Variants in TCF12 observed in about 807,000 individuals in gnomAD.
TCF12 encodes DNA-binding protein HTF4.
TCF12 carries 45 observed loss-of-function variants against 86.0 expected under a neutral mutation model. The observed-to-expected ratio is 0.52, with a 90% CI of 0.41 to 0.67. The LOEUF is 0.67. Among genes scored for constraint, TCF12 ranks in the 30% least tolerant of loss-of-function variants. The pLI, the probability that TCF12 is intolerant of heterozygous loss-of-function variation, is 0.00. For synonymous variants in TCF12, 330 were observed against 299.6 expected, an observed-to-expected ratio of 1.10 and a Z score of -1.05; for missense variants, 881 against 859.9, an observed-to-expected ratio of 1.02 and a Z score of -0.31.
intron 5 of TCF12, among the ~76,000 whole-genome samples, chr15:57,122,096 T>C (rs1246970047): frequency 8.4e-6 from 1 of 118,896 alleles, no homozygotes; most frequent in East Asian, 2.1e-4. Context: ...TGTTTCCTTG[T>C]ACAAAAAAAA....
chr15:57,255,641 G>C (rs189601667), intron 16 of TCF12, among the ~76,000 whole-genome samples: 1 of 151,944 alleles, frequency 6.6e-6, no homozygotes, highest in African/African-American at 2.4e-5. Flanking sequence ...CCGCCACCAC[G>C]TCCGGCTAAT....
rs142656227 is a variant in TCF12 at position 57,139,346 on chromosome 15, A to G, written c.326-27056A>G. ...CACTAAATTTTCAAAGCAAAGACCTAATGTTCTATTGTATAGATGTTTCAG... is the reference window on the plus strand; with the variant it reads ...CACTAAATTTTCAAAGCAAAGACCTGATGTTCTATTGTATAGATGTTTCAG... On this transcript the variant is annotated intron_variant, in intron 5 of 20. Coordinates refer to ENST00000333725, the MANE Select transcript of TCF12 (RefSeq NM_207037.2). Among the ~76,000 whole-genome samples the G allele has an allele frequency of 1.7e-3, 260 of 152,296 alleles. 1 individual carries two copies. The highest frequency in any genetic ancestry group is 6.0e-3 in the African/African-American group (251 of 41,564).
chr15:57,254,246 G>T (rs2060245046), intron 16 of TCF12, among the ~76,000 whole-genome samples: 1 of 152,120 alleles, frequency 6.6e-6, no homozygotes, highest in African/African-American at 2.4e-5. Context: ...TGTGATGAAG[G>T]CTAAAAACTT....
chr15:56,999,749 C>CT (rs772486315), intron 3 of TCF12, among the ~76,000 whole-genome samples: 33 of 152,110 alleles, frequency 2.2e-4, no homozygotes, highest in Non-Finnish European at 4.3e-4. Flanking sequence ...TGGTGCATGC[C>CT]TGTAGTCCCA....
In TCF12 at chr15:57,141,521, G is replaced by T. The variant is rs1177040868; in HGVS notation, c.326-24881G>T. ...TGCGCCACCACGCCCAACTAATTTT[G>T]TATTTTTAGTAGAGGTGGGATTTCT... On this transcript the variant is annotated intron_variant, in intron 5 of 20. Transcript: ENST00000333725. 5.9e-5 allele frequency among the ~76,000 whole-genome samples: 9 copies of T among 152,000 alleles called. No individual in the cohort carries two copies. The East Asian group carries it at 1.7e-3, about 29-fold the overall frequency.
intron 16 of TCF12, among the ~76,000 whole-genome samples, chr15:57,257,954 A>C (rs937244764): frequency 1.3e-5 from 2 of 152,202 alleles, no homozygotes; most frequent in Non-Finnish European, 2.9e-5. Flanking sequence ...CTTTTAGAAT[A>C]AACTGCTGAG....
intron 6 of TCF12, among the ~76,000 whole-genome samples, chr15:57,170,714 TATATATATTATATATTATATATA>T (rs1567558964): frequency 0.31 from 2,570 of 8,232 alleles, 196 homozygotes; most frequent in Non-Finnish European, 0.39. Context: ...TAATATATAA[TATATATATTATATATTATATATA>T]ATATATATTA....
intron 16 of TCF12, among the ~76,000 whole-genome samples, chr15:57,256,826 A>G (rs997996646): frequency 1.3e-4 from 20 of 152,174 alleles, no homozygotes; most frequent in African/African-American, 3.9e-4. Context: ...ATAAACGTAG[A>G]TATTTTCAGG....
At chr15:57,005,237 T>C (rs576622995) in intron 3 of TCF12, among the ~76,000 whole-genome samples, 1 of 152,218 alleles carries the variant, frequency 6.6e-6, no homozygotes, top group African/African-American at 2.4e-5. Flanking sequence ...AACCCTTGAT[T>C]AAACAAAGTT....
chr15:57,076,610 G>A (rs937561764), intron 4 of TCF12, among the ~76,000 whole-genome samples: 3 of 149,830 alleles, frequency 2.0e-5, no homozygotes, highest in East Asian at 2.0e-4. Context: ...CCGAGATCGC[G>A]CCACTGCACT....
chr15:57,177,447 T>C (rs1488138544), intron 6 of TCF12, among the ~76,000 whole-genome samples: 2 of 151,830 alleles, frequency 1.3e-5, no homozygotes, highest in Non-Finnish European at 2.9e-5. Flanking sequence ...CTTTTTGTAT[T>C]TTCGGTAGAG....
intron 3 of TCF12, among the ~76,000 whole-genome samples, chr15:57,055,509 A>G (rs2067952795): frequency 6.6e-6 from 1 of 152,174 alleles, no homozygotes; most frequent in Non-Finnish European, 1.5e-5. Context: ...TTATTTGTAA[A>G]GGTCTTTATT....
At chr15:57,267,573 C>T (rs1433741539) in intron 18 of TCF12, among the ~76,000 whole-genome samples, 1 of 152,178 alleles carries the variant, frequency 6.6e-6, no homozygotes, top group Non-Finnish European at 1.5e-5. Flanking sequence ...CTTTACTGGA[C>T]ATACAGTCTC....
chr15:57,282,151 C>T (rs2152133379), intron 19 of TCF12: 1 of 407,290 alleles, frequency 2.5e-6, no homozygotes, highest in South Asian at 2.2e-5. Context: ...AGCCTAATAA[C>T]AACAGCATTT....
intron 3 of TCF12, among the ~76,000 whole-genome samples, chr15:56,987,598 T>G (rs1245084755): frequency 2.0e-5 from 3 of 152,222 alleles, no homozygotes; most frequent in Non-Finnish European, 2.9e-5. Context: ...TATGGAATCT[T>G]CACTGCTTTA....
intron 5 of TCF12, among the ~76,000 whole-genome samples, chr15:57,103,687 C>T (rs954587468): frequency 6.6e-6 from 1 of 152,174 alleles, no homozygotes; most frequent in Non-Finnish European, 1.5e-5. Context: ...GAAAAATTAA[C>T]ATCACCCAAT....
intron 3 of TCF12, among the ~76,000 whole-genome samples, chr15:56,970,134 A>G (rs1338646949): frequency 3.3e-5 from 5 of 152,222 alleles, no homozygotes; most frequent in Non-Finnish European, 5.9e-5. Context: ...TAAACTTGGC[A>G]TCTCAGAGCA....
chr15:57,063,036 G>A (rs2068584272), intron 3 of TCF12, among the ~76,000 whole-genome samples: 1 of 152,138 alleles, frequency 6.6e-6, no homozygotes, highest in African/African-American at 2.4e-5. Flanking sequence ...GTCAGAAGAT[G>A]CATTAAGGAT....
intron 3 of TCF12, among the ~76,000 whole-genome samples, chr15:57,015,331 A>G (rs1567256767): frequency 6.6e-6 from 1 of 152,182 alleles, no homozygotes; most frequent in Non-Finnish European, 1.5e-5. Flanking sequence ...TAAATTTAAC[A>G]TAGTGCTAAG....
Sources: gnomAD v4.1 joint callset for allele counts (sites outside exome capture counted in the v4.1 genomes callset) on GRCh38, gnomAD v4.1.1 for gene constraint, MANE v1.5 for transcripts, NCBI Gene and HGNC (gene_info 2026-07-23, HGNC 2026-07-21) for gene names.